Variants in DST observed in about 807,000 individuals in gnomAD.
DST encodes the protein dystonin.
A neutral mutation model predicts 875.2 loss-of-function variants in DST; 253 were observed. That is an observed-to-expected ratio of 0.29 (90% CI 0.26 to 0.32). The LOEUF (loss-of-function observed/expected upper bound fraction) is 0.32, where lower values mean the gene tolerates loss of function less well. Ranked by LOEUF, DST falls within the 10% of genes least tolerant of loss-of-function variation. The pLI is 1.00. For missense variants in DST, 8,287 were observed against 9,111.6 expected, an observed-to-expected ratio of 0.91 and a Z score of 3.68; for synonymous variants, 3,124 against 3,197.1, an observed-to-expected ratio of 0.98 and a Z score of 0.77.
chr6:56,479,443 G>T (rs182122327), intron 90 of DST, among the ~76,000 whole-genome samples: 1 of 152,110 alleles, frequency 6.6e-6, no homozygotes, highest in East Asian at 1.9e-4. Flanking sequence ...CAAAGGAAAA[G>T]AAATCATTAT....
rs1262142419 is a variant in DST at position 56,555,433 on chromosome 6, T to G, written c.15048A>C (p.Ala5016=). The change falls in exon 60 of 104, where the codon GCA becomes GCC. Residue 5016 remains alanine, a synonymous_variant. Coordinates refer to ENST00000680361, the MANE Select transcript of DST (RefSeq NM_001374736.1). The part of the protein sequence containing the change: ...VAQALCEDLS[A]LVKEEYLKAE... ...CTTTCAAGTACTCTTCTTTAACCAG[T>G]GCTGACAAATCCTCACAGAGTGCCT... 6.2e-7 allele frequency: 1 copy of G among 1,614,028 alleles called. No homozygotes were observed. The highest frequency in any genetic ancestry group is 2.2e-5 in the East Asian group (1 of 44,890).
chr6:56,771,389 G>A (rs1350487163), intron 4 of DST, among the ~76,000 whole-genome samples: 4 of 152,118 alleles, frequency 2.6e-5, no homozygotes, highest in African/African-American at 9.7e-5. Flanking sequence ...CTGACATTCT[G>A]GATCTGTCTG....
intron 4 of DST, among the ~76,000 whole-genome samples, chr6:56,777,671 A>C (rs1439430640): frequency 1.3e-5 from 2 of 152,094 alleles, no homozygotes; most frequent in Non-Finnish European, 2.9e-5. Context: ...TATGAAGTGA[A>C]TCATTAGAAA....
intron 9 of DST, among the ~76,000 whole-genome samples, chr6:56,682,806 C>T (rs1434522124): frequency 6.6e-6 from 1 of 152,054 alleles, no homozygotes. Context: ...CATGGTCAGG[C>T]AATGTGAGCC....
chr6:56,585,301 C>A (rs1208461300), intron 49 of DST, among the ~76,000 whole-genome samples: 7 of 152,154 alleles, frequency 4.6e-5, no homozygotes, highest in Admixed American at 3.9e-4. Context: ...AGAGATTCAA[C>A]TTCTTCCTGG....
chr6:56,726,136 CA>C lies in DST; in HGVS notation c.687+9091del, dbSNP rs1205145910. On this transcript the variant is annotated intron_variant, in intron 5 of 103. Coordinates refer to ENST00000680361, the MANE Select transcript of DST (RefSeq NM_001374736.1). ...AGCCCTCTTTTAAATGTTCACAACA[CA>C]GTAATTTCTTCTATATTATATTAGG... Among the ~76,000 whole-genome samples the C allele has an allele frequency of 9.2e-5, 14 of 152,244 alleles. 1 individual carries two copies. The East Asian group carries it at 2.7e-3, about 29-fold the overall frequency.
intron 3 of DST, among the ~76,000 whole-genome samples, chr6:56,872,832 C>CCTTTT (rs5876523): frequency 2.3e-5 from 3 of 127,860 alleles, no homozygotes; most frequent in African/African-American, 8.5e-5. Flanking sequence ...TCCCCCCCCC[C>CCTTTT]TTTTTTTTTT....
intron 92 of DST, among the ~76,000 whole-genome samples, chr6:56,474,814 T>C (rs1312942435): frequency 6.6e-6 from 1 of 151,492 alleles, no homozygotes; most frequent in Non-Finnish European, 1.5e-5. Context: ...AATTCAAAAA[T>C]TAGGCCAGGT....
At chr6:56,848,093 T>G (rs527285743) in intron 4 of DST, among the ~76,000 whole-genome samples, 2 of 152,258 alleles carry the variant, frequency 1.3e-5, no homozygotes, top group Non-Finnish European at 2.9e-5. Context: ...ACTATAGATA[T>G]CCTACTCTGC....
In DST at chr6:56,607,992, A is replaced by G. The variant is rs765023707; in HGVS notation, c.6636T>C (p.Asp2212=). 12 of 1,613,490 alleles carry G rather than the reference A, an allele frequency of 7.4e-6. No individual in the cohort carries two copies. In the South Asian group the frequency reaches 1.3e-4, roughly 18 times the overall value. The part of the protein sequence containing the change: ...LSYLMINSYM[D]ANTGQRLLLY... ...GCAAAAGCCTTTGCCCTGTGTTTGC[A>G]TCCATATAGCTATTTATCATTAAAT... Residue 2212 remains aspartate, a synonymous_variant, in exon 40 of 104, where the codon GAT becomes GAC. Transcript: ENST00000680361.
chr6:56,590,394 C>T (rs567705853), intron 49 of DST, among the ~76,000 whole-genome samples: 2 of 152,160 alleles, frequency 1.3e-5, no homozygotes, highest in Admixed American at 6.5e-5. Context: ...TGTGTTATTT[C>T]TATTTTATGC....
rs1780931600 is a variant in DST at position 56,879,315 on chromosome 6, A to C, written c.417+21106T>G. ...AACCCCCGTCTCTACTAAAAAATACAAAAAAATTAGCCAGGAGCGGTGGCA... is the reference window on the plus strand; with the variant it reads ...AACCCCCGTCTCTACTAAAAAATACCAAAAAATTAGCCAGGAGCGGTGGCA... On this transcript the variant is annotated intron_variant, in intron 3 of 103. Transcript: ENST00000680361. 2.0e-5 allele frequency among the ~76,000 whole-genome samples: 3 copies of C among 152,054 alleles called. No homozygotes were observed. The South Asian group carries it at 6.2e-4, about 32-fold the overall frequency.
Position 56,823,794 on chromosome 6 carries a change from T to C in DST, c.625+27603A>G, listed in dbSNP as rs1323560020. Among the ~76,000 whole-genome samples the C allele has an allele frequency of 7.2e-5, 11 of 152,260 alleles. No individual in the cohort carries two copies. In the East Asian group the frequency reaches 2.1e-3, roughly 29 times the overall value. On this transcript the variant is annotated intron_variant, in intron 4 of 103. Transcript: ENST00000680361. ...ATTGCTGGGAGAAAATTAGTGAAGG[T>C]AGTGTACTTGACTGGAACTATTATC...
intron 3 of DST, among the ~76,000 whole-genome samples, chr6:56,865,452 C>T (rs1319672725): frequency 6.6e-6 from 1 of 152,142 alleles, no homozygotes; most frequent in Non-Finnish European, 1.5e-5. Context: ...ACTCCTCCCA[C>T]CTCAGCCTCC....
At chr6:56,679,052 C>T (rs2099144449) in intron 9 of DST, among the ~76,000 whole-genome samples, 1 of 152,164 alleles carries the variant, frequency 6.6e-6, no homozygotes, top group African/African-American at 2.4e-5. Context: ...TTTCTCTTAT[C>T]AATCTGTCTT....
chr6:56,928,429 C>T (rs1373541212), intron 2 of DST, among the ~76,000 whole-genome samples: 1 of 152,088 alleles, frequency 6.6e-6, no homozygotes, highest in Admixed American at 6.6e-5. Context: ...AGCTGGAAGA[C>T]CAAGAGTAAA....
At chr6:56,886,776 CAAAAAAAA>C (rs35735421) in intron 3 of DST, among the ~76,000 whole-genome samples, 1 of 82,230 alleles carries the variant, frequency 1.2e-5, no homozygotes, top group Non-Finnish European at 2.4e-5. Flanking sequence ...AACTCAGTCT[CAAAAAAAA>C]AAAAAAAAAA....
rs1482291833 is a variant in DST, at chr6:56,555,389, A to T, written c.15092T>A (p.Leu5031Gln). The change falls in exon 60 of 104, where the codon CTA (leucine) becomes CAA (glutamine). Residue 5031 changes from leucine to glutamine, a missense_variant. Coordinates refer to ENST00000680361, the MANE Select transcript of DST (RefSeq NM_001374736.1). ...EYLKAELSRQ[L>Q]EGILKSFKDV... ...CTTAAATGATTTTAAGATGCCTTCT[A>T]GTTGCCTACTAAGTTCTGCTTTCAA... is the stretch of plus-strand genomic sequence containing the variant. 25 of 1,607,726 alleles carry T rather than the reference A, an allele frequency of 1.6e-5. No individual in the cohort carries two copies. The highest frequency in any genetic ancestry group is 2.1e-5 in the Non-Finnish European group (25 of 1,176,302).
intron 36 of DST, chr6:56,617,273 C>A: frequency 6.2e-7 from 1 of 1,612,836 alleles, no homozygotes; most frequent in Non-Finnish European, 8.5e-7. Flanking sequence ...TGGTTCTAAG[C>A]CCTTCTTAAG....
Sources: gnomAD v4.1 joint callset for allele counts (sites outside exome capture counted in the v4.1 genomes callset) on GRCh38, gnomAD v4.1.1 for gene constraint, MANE v1.5 for transcripts, NCBI Gene and HGNC (gene_info 2026-07-23, HGNC 2026-07-21) for gene names.